Variants in RARB observed in about 807,000 individuals in gnomAD.
RARB encodes the protein retinoic acid receptor beta, also known as HBV-activated protein.
A neutral mutation model predicts 51.9 loss-of-function variants in RARB; 17 were observed. The observed-to-expected ratio is 0.33, with a 90% CI of 0.22 to 0.49. RARB has a LOEUF of 0.49. Among genes scored for constraint, RARB ranks in the 20% least tolerant of loss-of-function variants. The probability of loss-of-function intolerance (pLI) is 0.99; values close to 1 mark genes in which losing one functional copy is unlikely to be tolerated. For synonymous variants in RARB, 215 were observed against 195.4 expected (o/e 1.10, Z -0.84); for missense variants, 369 against 550.8 (o/e 0.67, Z 3.30).
At chr3:24,848,155 G>C (rs1212109006) in intron 1 of RARB, among the ~76,000 whole-genome samples, 1 of 152,202 alleles carries the variant, frequency 6.6e-6, no homozygotes, top group Non-Finnish European at 1.5e-5. Flanking sequence ...TGCCTCCTGA[G>C]CTCAAAGGAT....
At chr3:25,096,762 C>T (rs894934834) in intron 3 of RARB, among the ~76,000 whole-genome samples, 1 of 152,126 alleles carries the variant, frequency 6.6e-6, no homozygotes. Flanking sequence ...CCTGCATATT[C>T]ATCATCTGTC....
chr3:25,279,230 T>C (rs908493391), intron 5 of RARB, among the ~76,000 whole-genome samples: 1 of 152,190 alleles, frequency 6.6e-6, no homozygotes, highest in African/African-American at 2.4e-5. Flanking sequence ...GAAACTTGGA[T>C]CTTCTGCCTT....
chr3:25,433,165 C>T (rs1162946207), intron 1 of RARB, among the ~76,000 whole-genome samples: 1 of 152,142 alleles, frequency 6.6e-6, no homozygotes, highest in African/African-American at 2.4e-5. Flanking sequence ...TCTTGCCTTT[C>T]AAATTACAGG....
At chr3:24,916,467 T>G (rs1695107464) in intron 2 of RARB, among the ~76,000 whole-genome samples, 1 of 152,130 alleles carries the variant, frequency 6.6e-6, no homozygotes. Flanking sequence ...TCTCCTCTGT[T>G]AGCAGAATGA....
At chr3:25,276,099 G>A (rs959051779) in intron 5 of RARB, among the ~76,000 whole-genome samples, 12 of 152,126 alleles carry the variant, frequency 7.9e-5, no homozygotes, top group Non-Finnish European at 1.6e-4. Flanking sequence ...TACATCATGG[G>A]GATAGTGTAA....
chr3:25,258,675 A>T lies in RARB; in HGVS notation c.178+84100A>T, dbSNP rs113640576. On this transcript the variant is annotated intron_variant, in intron 5 of 11. Coordinates refer to the RARB transcript ENST00000383772. ...TAAAGGAAAGAGGTTGATTTAGTTCATGGTTCTGGAGGCTGGGAAGTCTAA... is the reference window on the plus strand; with the variant it reads ...TAAAGGAAAGAGGTTGATTTAGTTCTTGGTTCTGGAGGCTGGGAAGTCTAA... Among the ~76,000 whole-genome samples, 423 of 152,190 alleles carry T rather than the reference A, an allele frequency of 2.8e-3. 2 individuals carry two copies. Among genetic ancestry groups the T allele is most frequent in the African/African-American group, 9.8e-3 (408 of 41,530 alleles).
At chr3:25,307,973 G>A (rs1168095795) in intron 5 of RARB, among the ~76,000 whole-genome samples, 2 of 152,188 alleles carry the variant, frequency 1.3e-5, no homozygotes, top group Admixed American at 6.5e-5. Flanking sequence ...GGCCAGCAAA[G>A]CCTAAAGTAC....
At chr3:25,570,498 T>C (rs778690977) in intron 4 of RARB, among the ~76,000 whole-genome samples, 1 of 152,092 alleles carries the variant, frequency 6.6e-6, no homozygotes. Flanking sequence ...CCATGCCCAG[T>C]TGAGTGAATG....
chr3:25,588,329 T>G (rs1701482475), intron 5 of RARB, among the ~76,000 whole-genome samples: 1 of 152,114 alleles, frequency 6.6e-6, no homozygotes, highest in Admixed American at 6.6e-5. Context: ...GGAATATAGG[T>G]CAAATAATGG....
chr3:25,213,535 T>G (rs1701748622), intron 5 of RARB, among the ~76,000 whole-genome samples: 1 of 152,228 alleles, frequency 6.6e-6, no homozygotes. Context: ...TCCTTGTACA[T>G]GTCTTTTGGT....
intron 4 of RARB, among the ~76,000 whole-genome samples, chr3:25,164,681 C>A (rs1320021161): frequency 6.6e-6 from 1 of 152,010 alleles, no homozygotes; most frequent in African/African-American, 2.4e-5. Context: ...TTTGGGGACC[C>A]TATTATGGTT....
chr3:25,540,623 A>G (rs1367037522), intron 3 of RARB, among the ~76,000 whole-genome samples: 1 of 152,208 alleles, frequency 6.6e-6, no homozygotes, highest in Non-Finnish European at 1.5e-5. Flanking sequence ...TTCTGATGAC[A>G]TGGTCACAGC....
At chr3:25,274,830 G>C (rs1005077959) in intron 5 of RARB, among the ~76,000 whole-genome samples, 13 of 152,060 alleles carry the variant, frequency 8.5e-5, no homozygotes, top group African/African-American at 3.1e-4. Context: ...TTAGGGCTCA[G>C]GGTCGGGACT....
intron 2 of RARB, among the ~76,000 whole-genome samples, chr3:25,014,106 CT>C (rs981970293): frequency 1.6e-4 from 25 of 152,082 alleles, no homozygotes; most frequent in African/African-American, 5.8e-4. Context: ...AAATAGAACA[CT>C]TTTTCCCTTG....
At chr3:25,160,771 G>A (rs980488187) in intron 4 of RARB, among the ~76,000 whole-genome samples, 4 of 152,206 alleles carry the variant, frequency 2.6e-5, no homozygotes, top group East Asian at 1.9e-4. Context: ...GCCATGGTTC[G>A]TTCTTTCAGA....
At chr3:25,287,932 C>A (rs1238364409) in intron 5 of RARB, among the ~76,000 whole-genome samples, 2 of 151,990 alleles carry the variant, frequency 1.3e-5, no homozygotes, top group Non-Finnish European at 2.9e-5. Flanking sequence ...AGATCACAAA[C>A]TTAATTCAAT....
At position 25,311,337 on chromosome 3, in the gene RARB, A is replaced by G. The variant is rs527390703; in HGVS notation, c.178+136762A>G. 3.0e-3 allele frequency among the ~76,000 whole-genome samples: 456 copies of G among 152,340 alleles called. 4 individuals carry two copies. Among genetic ancestry groups the G allele is most frequent in the South Asian group, 0.02 (99 of 4,830 alleles). Reference sequence around the variant, plus strand: ...AACCGCCCTGTGTGGACAATTATTAAAAGAGTCCGCTGATAGGAATTTTAA... The same window carrying G: ...AACCGCCCTGTGTGGACAATTATTAGAAGAGTCCGCTGATAGGAATTTTAA... On this transcript the variant is annotated intron_variant, in intron 5 of 11. Coordinates refer to the RARB transcript ENST00000383772.
intron 5 of RARB, among the ~76,000 whole-genome samples, chr3:25,395,439 G>A (rs181860268): frequency 2.1e-4 from 32 of 152,206 alleles, no homozygotes; most frequent in African/African-American, 7.2e-4. Flanking sequence ...GTATTTGGAT[G>A]TCTAGATCTC....
chr3:25,366,945 T>A (rs919625999), intron 5 of RARB, among the ~76,000 whole-genome samples: 6 of 151,918 alleles, frequency 3.9e-5, no homozygotes, highest in Non-Finnish European at 8.8e-5. Context: ...ATCCTCAGGA[T>A]TGTAGCAACA....
Sources: allele counts gnomAD v4.1 joint callset (sites outside exome capture counted in the v4.1 genomes callset), GRCh38; gene constraint gnomAD v4.1.1; transcripts MANE v1.5; gene names NCBI Gene and HGNC (gene_info 2026-07-23, HGNC 2026-07-21).